Variants in FIG4 observed in about 807,000 individuals in gnomAD.
The protein encoded by FIG4 is FIG4 phosphoinositide 5-phosphatase.
Under a neutral mutation model 118.6 loss-of-function variants are expected in FIG4, and 112 were observed. That is an observed-to-expected ratio of 0.94 (90% CI 0.81 to 1.11). The LOEUF (loss-of-function observed/expected upper bound fraction) is 1.11. Among genes scored for constraint, FIG4 ranks in the 50% least tolerant of loss-of-function variants. The pLI is 0.00. For synonymous variants in FIG4, 369 were observed against 381.2 expected (o/e 0.97, Z 0.37); for missense variants, 969 against 1,111.7 (o/e 0.87, Z 1.83).
At position 109,750,448 on chromosome 6, in the gene FIG4, G is replaced by A. The variant is rs76538415; in HGVS notation, c.1137+6676G>A. ...CAGGAGTCTGAGAGCAGACTGGGCA[G>A]CATAGGAGACACAGTCTCTACAAAA... On this transcript the variant is annotated intron_variant, in intron 10 of 22. Coordinates refer to ENST00000230124, the MANE Select transcript of FIG4 (RefSeq NM_014845.6). Among the ~76,000 whole-genome samples the A allele has an allele frequency of 3.0e-3, 462 of 152,230 alleles. 8 individuals are homozygous for A. In the East Asian group the frequency reaches 0.059, roughly 19 times the overall value.
chr6:109,786,170 G>C, intron 17 of FIG4, 132 bp from the exon 18 acceptor site: 1 of 715,248 alleles, frequency 1.4e-6, no homozygotes, highest in Non-Finnish European at 2.4e-6. Context: ...GGAGGCAGGA[G>C]CTTACCCTCG....
chr6:109,736,888 C>T (rs1776174041), intron 6 of FIG4, among the ~76,000 whole-genome samples: 1 of 152,048 alleles, frequency 6.6e-6, no homozygotes. Context: ...GTTTTCTTGC[C>T]CTTTCCATCT....
chr6:109,781,300 C>T (rs1273455512), intron 16 of FIG4, among the ~76,000 whole-genome samples: 1 of 152,214 alleles, frequency 6.6e-6, no homozygotes, highest in African/African-American at 2.4e-5. Context: ...CATACACTTT[C>T]AAAATCTCTT....
At chr6:109,820,565 G>A (rs1778976857) in intron 22 of FIG4, among the ~76,000 whole-genome samples, 1 of 152,110 alleles carries the variant, frequency 6.6e-6, no homozygotes, top group Non-Finnish European at 1.5e-5. Flanking sequence ...GAGGGGTGGT[G>A]TAGCAGTGCC....
At chr6:109,786,658 C>T (rs545803928) in intron 18 of FIG4, among the ~76,000 whole-genome samples, 22 of 152,184 alleles carry the variant, frequency 1.4e-4, no homozygotes, top group Admixed American at 1.2e-3. Flanking sequence ...TTGATTTCTC[C>T]CCTTTGATAG....
intron 6 of FIG4, among the ~76,000 whole-genome samples, chr6:109,737,518 G>A (rs1776193168): frequency 6.6e-6 from 1 of 152,070 alleles, no homozygotes; most frequent in Non-Finnish European, 1.5e-5. Context: ...TCAAATCTAA[G>A]TGTGGTATAG....
chr6:109,806,672 T>G (rs1041674399), intron 22 of FIG4, among the ~76,000 whole-genome samples: 1 of 151,994 alleles, frequency 6.6e-6, no homozygotes, highest in Non-Finnish European at 1.5e-5. Context: ...ATGTACAGAA[T>G]GCATAGGTTT....
intron 1 of FIG4, among the ~76,000 whole-genome samples, chr6:109,705,310 G>T (rs779250974): frequency 6.6e-6 from 1 of 152,176 alleles, no homozygotes. Context: ...TAAAAAATTG[G>T]TGTGAAAGTG....
chr6:109,710,909 T>TCAA lies in FIG4; in HGVS notation c.67-4169_67-4168insCAA, dbSNP rs34915199. On this transcript the variant is annotated intron_variant, in intron 1 of 22. Coordinates refer to ENST00000230124, the MANE Select transcript of FIG4 (RefSeq NM_014845.6). Reference sequence around the variant, plus strand: ...CCGGTCTATATACTTTATTAGTTTTTAAAAAAAAAAAATAGCTGCCAGATT... The same window carrying TCAA: ...CCGGTCTATATACTTTATTAGTTTTTCAAAAAAAAAAAAAATAGCTGCCAGATT... 3.9e-4 allele frequency among the ~76,000 whole-genome samples: 58 copies of TCAA among 149,562 alleles called. No individual in the cohort carries two copies. In the East Asian group the frequency reaches 4.1e-3, roughly 11 times the overall value.
chr6:109,716,515 G>T lies in FIG4; in HGVS notation c.236G>T (p.Gly79Val), dbSNP rs763255765. The change falls in exon 3 of 23, where the codon GGA (glycine) becomes GTA (valine). Residue 79 changes from glycine to valine, a missense_variant. Coordinates refer to ENST00000230124, the MANE Select transcript of FIG4 (RefSeq NM_014845.6). ...GATCTTGGAAATAGAACAAAGATGG[G>T]ACAGAAAGGATCCTCGGGCTTATTT... is the stretch of plus-strand genomic sequence containing the variant. ...RLDLGNRTKM[G>V]QKGSSGLFRA... The T allele has an allele frequency of 3.1e-6, 5 of 1,613,918 alleles. No individual in the cohort carries two copies. The highest frequency in any genetic ancestry group is 3.4e-6 in the Non-Finnish European group (4 of 1,179,856).
intron 6 of FIG4, among the ~76,000 whole-genome samples, chr6:109,736,540 A>G (rs530502891): frequency 8.5e-5 from 13 of 152,282 alleles, no homozygotes; most frequent in African/African-American, 3.1e-4. Context: ...ATTTGCTTGC[A>G]ACGCTTCTGA....
intron 10 of FIG4, among the ~76,000 whole-genome samples, chr6:109,751,452 T>A (rs1351314853): frequency 6.6e-6 from 1 of 152,212 alleles, no homozygotes; most frequent in Admixed American, 6.5e-5. Context: ...GAGGAGTCCC[T>A]CTTTTTCTGT....
chr6:109,766,702 T>C (rs1425841274), intron 14 of FIG4, 27 bp from the exon 15 acceptor site: 1 of 1,606,048 alleles, frequency 6.2e-7, no homozygotes, highest in Non-Finnish European at 8.5e-7. Context: ...TTGGTGAAAT[T>C]CTTTAATCGG....
Position 109,741,494 on chromosome 6 carries a change from T to A in FIG4, c.826T>A (p.Ser276Thr). 6.2e-7 allele frequency: 1 copy of A among 1,613,498 alleles called. No individual in the cohort carries two copies. The highest frequency in any genetic ancestry group is 8.5e-7 in the Non-Finnish European group (1 of 1,179,558). Residue 276 changes from serine (S) to threonine (T), a missense_variant, in exon 8 of 23, where the codon TCC becomes ACC. This residue lies in a region of FIG4 where 393 missense variants were observed against 409.4 expected (regional missense o/e 0.96). Coordinates refer to ENST00000230124, the MANE Select transcript of FIG4 (RefSeq NM_014845.6). ...PVYVTLIARR[S>T]SKFAGTRFLK... ...GTATGTCACTCTAATAGCTAGAAGATCCAGTAAATTTGCTGGCACCCGTTT... is the reference window on the plus strand; with the variant it reads ...GTATGTCACTCTAATAGCTAGAAGAACCAGTAAATTTGCTGGCACCCGTTT...
rs530567965 is a variant in FIG4, at chr6:109,797,752, C to T, written c.2546+901C>T. Among the ~76,000 whole-genome samples the T allele has an allele frequency of 3.3e-5, 5 of 152,010 alleles. No individual in the cohort carries two copies. In the South Asian group the frequency reaches 6.2e-4, roughly 19 times the overall value. ...GGCCACTTAAAATACAAAAATTAGC[C>T]GGGCATGGTGGTGCGTGCCTGTAAT... On this transcript the variant is annotated intron_variant, in intron 22 of 22. Coordinates refer to ENST00000230124, the MANE Select transcript of FIG4 (RefSeq NM_014845.6).
chr6:109,771,930 C>T (rs149790601), intron 15 of FIG4, among the ~76,000 whole-genome samples: 7 of 152,218 alleles, frequency 4.6e-5, no homozygotes, highest in African/African-American at 1.4e-4. Context: ...TTCCATCCAC[C>T]CTTTCCAGCT....
chr6:109,749,075 G>GTGTC (rs1408957592), intron 10 of FIG4, among the ~76,000 whole-genome samples: 1 of 148,130 alleles, frequency 6.8e-6, no homozygotes, highest in African/African-American at 2.6e-5. Context: ...GTGTGTGTGT[G>GTGTC]TGTGTGTGTG....
chr6:109,770,002 G>A (rs1407944247), intron 15 of FIG4, among the ~76,000 whole-genome samples: 1 of 152,208 alleles, frequency 6.6e-6, no homozygotes, highest in Admixed American at 6.5e-5. Flanking sequence ...ATGGACTGAT[G>A]CTATGGGGTC....
chr6:109,782,642 C>A (rs1373636546), intron 16 of FIG4, among the ~76,000 whole-genome samples: 1 of 152,164 alleles, frequency 6.6e-6, no homozygotes, highest in Admixed American at 6.5e-5. Flanking sequence ...CTACTTTACT[C>A]GTCTGCCAGT....
Sources: allele counts gnomAD v4.1 joint callset (sites outside exome capture counted in the v4.1 genomes callset), GRCh38; gene constraint gnomAD v4.1.1; regional missense constraint gnomAD v4.1.1; transcripts MANE v1.5; gene names NCBI Gene and HGNC (gene_info 2026-07-23, HGNC 2026-07-21).